COL23A1: variants seen among roughly 807,000 people sequenced by gnomAD.
COL23A1 encodes the protein collagen type XXIII alpha 1 chain.
A neutral mutation model predicts 99.3 loss-of-function variants in COL23A1; 97 were observed. The ratio of observed to expected loss-of-function variants is 0.98; its 90% CI spans 0.83 to 1.16. The LOEUF (loss-of-function observed/expected upper bound fraction) is 1.16, where lower values mean the gene tolerates loss of function less well. COL23A1 is among the 50% of genes most tolerant of loss of function. The probability of loss-of-function intolerance (pLI) is 0.00; values close to 1 mark genes in which losing one functional copy is unlikely to be tolerated. For synonymous variants in COL23A1, 320 were observed against 308.2 expected, an observed-to-expected ratio of 1.04 and a Z score of -0.40; for missense variants, 762 against 757.4, an observed-to-expected ratio of 1.01 and a Z score of -0.07.
intron 2 of COL23A1, among the ~76,000 whole-genome samples, chr5:178,501,339 T>C (rs1450389073): frequency 1.3e-5 from 2 of 152,042 alleles, no homozygotes; most frequent in Non-Finnish European, 2.9e-5. Context: ...TCCCAGCACT[T>C]TGGGAGGCCT....
intron 5 of COL23A1, among the ~76,000 whole-genome samples, chr5:178,277,729 C>T (rs1163178025): frequency 6.6e-6 from 1 of 152,240 alleles, no homozygotes; most frequent in Non-Finnish European, 1.5e-5. Context: ...CCATGTCACA[C>T]ATCATGGCTA....
At chr5:178,421,591 A>T (rs939226177) in intron 2 of COL23A1, among the ~76,000 whole-genome samples, 4 of 152,202 alleles carry the variant, frequency 2.6e-5, no homozygotes, top group African/African-American at 9.7e-5. Flanking sequence ...AGACAGGGCC[A>T]GGCACAGTGG....
At chr5:178,394,861 G>C (rs1764146494) in intron 2 of COL23A1, among the ~76,000 whole-genome samples, 1 of 152,192 alleles carries the variant, frequency 6.6e-6, no homozygotes, top group Non-Finnish European at 1.5e-5. Flanking sequence ...TCGGCTCTCA[G>C]CTCCAAACGT....
At position 178,280,021 on chromosome 5, in the gene COL23A1, C is replaced by T. The variant is rs577869018; in HGVS notation, c.441+8303G>A. Among the ~76,000 whole-genome samples the T allele has an allele frequency of 1.4e-4, 21 of 152,376 alleles. No individual in the cohort carries two copies. In the South Asian group the frequency reaches 3.1e-3, roughly 23 times the overall value. ...TGCTACCGTATCCCAAATGCCGAAG[C>T]GCCTCGTACATAACGAGAACACAGT... On this transcript the variant is annotated intron_variant, in intron 5 of 28. Transcript: ENST00000390654. The surrounding 1 kb of genome is among the most constrained non-coding windows in gnomAD (Gnocchi z 4.9).
chr5:178,572,900 T>G (rs1763177871), intron 1 of COL23A1, among the ~76,000 whole-genome samples: 1 of 152,218 alleles, frequency 6.6e-6, no homozygotes, highest in Non-Finnish European at 1.5e-5. Flanking sequence ...AAGCACTACA[T>G]AAACATACTA....
At chr5:178,295,133 C>T (rs1028644635) in intron 3 of COL23A1, among the ~76,000 whole-genome samples, 5 of 151,960 alleles carry the variant, frequency 3.3e-5, no homozygotes, top group African/African-American at 4.8e-5. Context: ...TGCAGTGGGC[C>T]GAGATCACAC....
intron 2 of COL23A1, among the ~76,000 whole-genome samples, chr5:178,455,353 A>G (rs1034193797): frequency 6.6e-6 from 1 of 152,158 alleles, no homozygotes; most frequent in Admixed American, 6.5e-5. Flanking sequence ...CACAGGCACC[A>G]GCATGGGAGG....
chr5:178,288,907 C>T (rs1226191385), intron 4 of COL23A1, among the ~76,000 whole-genome samples: 12 of 152,142 alleles, frequency 7.9e-5, no homozygotes, highest in Admixed American at 7.2e-4. Flanking sequence ...CAGGTCAGAC[C>T]CTTCCAGGTT....
chr5:178,584,247 TG>T (rs1763805617), intron 1 of COL23A1, among the ~76,000 whole-genome samples: 1 of 151,392 alleles, frequency 6.6e-6, no homozygotes, highest in Non-Finnish European at 1.5e-5. Flanking sequence ...TGACCTCAGG[TG>T]ATCCACCCAC....
intron 2 of COL23A1, among the ~76,000 whole-genome samples, chr5:178,489,237 G>A (rs1757798075): frequency 6.6e-6 from 1 of 152,224 alleles, no homozygotes; most frequent in African/African-American, 2.4e-5. Context: ...GCTCCCTCTT[G>A]CTTCCCCTCC....
rs118113560 is a variant in COL23A1 at position 178,368,540 on chromosome 5, T to C, written c.362-61621A>G. ...GTGTAATGACACGTAGCCACCGCTA[T>C]AGTATCACACGGAGTAGTTCCACTG... On this transcript the variant is annotated intron_variant, in intron 2 of 28. Transcript: ENST00000390654. Among the ~76,000 whole-genome samples, 86 of 152,322 alleles carry C rather than the reference T, an allele frequency of 5.6e-4. 1 individual carries two copies. In the East Asian group the frequency reaches 0.013, roughly 24 times the overall value.
At position 178,590,140 on chromosome 5, in the gene COL23A1, C is replaced by T; in HGVS notation, c.58G>A (p.Gly20Ser). Residue 20 changes from glycine (G) to serine (S), a missense_variant, in exon 1 of 29, where the codon GGC (glycine) becomes AGC (serine). Transcript: ENST00000390654. This position sits in a 1 kb window ranked among gnomAD's most constrained non-coding sequence, Gnocchi z 5.7. ...GCCGAGCGCCCTCCGCCGCCGCCGC[C>T]CGCCGCATTGCCCTTCCCCGCGTCG... ...GGDAGKGNAA[G>S]GGGGGRSATT... 8.1e-7 allele frequency: 1 copy of T among 1,241,058 alleles called. No individual in the cohort carries two copies. Among genetic ancestry groups the T allele is most frequent in the Non-Finnish European group, 1.0e-6 (1 of 996,582 alleles). 76.9% of individuals were successfully genotyped at this position (1,241,058 alleles called of 1,614,324 possible).
intron 2 of COL23A1, among the ~76,000 whole-genome samples, chr5:178,371,583 G>T (rs1762804597): frequency 6.6e-6 from 1 of 152,206 alleles, no homozygotes; most frequent in Non-Finnish European, 1.5e-5. Flanking sequence ...CAGGGGCACT[G>T]TCACCAACCC....
At chr5:178,261,090 T>C (rs572511694) in intron 11 of COL23A1, among the ~76,000 whole-genome samples, 2 of 152,298 alleles carry the variant, frequency 1.3e-5, no homozygotes, top group South Asian at 2.1e-4. Context: ...TGTTTAGTTT[T>C]GTTGTGAAAC....
intron 2 of COL23A1, among the ~76,000 whole-genome samples, chr5:178,414,601 G>A (rs1361062023): frequency 3.3e-5 from 5 of 152,032 alleles, no homozygotes; most frequent in African/African-American, 1.2e-4. Context: ...GTGAAACCCC[G>A]TCTCTACTAA....
chr5:178,422,101 T>C (rs559830802), intron 2 of COL23A1, among the ~76,000 whole-genome samples: 9 of 152,278 alleles, frequency 5.9e-5, no homozygotes, highest in East Asian at 3.9e-4. Context: ...AGTCCTGAGA[T>C]TGTATAAAAA....
In COL23A1 at chr5:178,242,139, G is replaced by A. The variant is rs773604471; in HGVS notation, c.1495-11C>T. 1.7e-5 allele frequency: 26 copies of A among 1,550,352 alleles called. No individual in the cohort carries two copies. The highest frequency in any genetic ancestry group is 7.3e-5 in the East Asian group (3 of 41,158). The stretch of plus-strand genomic sequence containing the variant: ...GACCCCTCGTTCTCCCTGTGCAGGA[G>A]GGGAGATGGTGGTATTGGTCATGGC... On this transcript the variant is annotated splice_polypyrimidine_tract_variant and intron_variant, in intron 26 of 28. Coordinates refer to ENST00000390654, the MANE Select transcript of COL23A1 (RefSeq NM_173465.4).
Position 178,306,390 on chromosome 5 carries a change from G to A in COL23A1, c.406+485C>T, listed in dbSNP as rs1036152356. ...GTTCTGGGTGAAGCAGAGACAGCAG[G>A]AAGGAAGGGTGGTGAATACAGGTGC... On this transcript the variant is annotated intron_variant, in intron 3 of 28. Transcript: ENST00000390654. This position sits in a 1 kb window ranked among gnomAD's most constrained non-coding sequence, Gnocchi z 4.1. Among the ~76,000 whole-genome samples the A allele has an allele frequency of 1.3e-5, 2 of 152,008 alleles. No homozygotes were observed. Among genetic ancestry groups the A allele is most frequent in the African/African-American group, 4.8e-5 (2 of 41,374 alleles).
At position 178,307,038 on chromosome 5, in the gene COL23A1, C is replaced by A. The variant is rs767308301; in HGVS notation, c.362-119G>T. 9 of 631,968 alleles carry A rather than the reference C, an allele frequency of 1.4e-5. No individual in the cohort carries two copies. The highest frequency in any genetic ancestry group is 2.9e-5 in the South Asian group (1 of 34,832). The allele number at this position is 631,968 out of a possible 1,614,324, so 39.1% of individuals were successfully genotyped here. A position where few individuals can be genotyped will look rare whatever the true frequency, so the allele number is the denominator to read the frequency against. On this transcript the variant is annotated intron_variant, in intron 2 of 28. Transcript: ENST00000390654. The surrounding 1 kb of genome is among the most constrained non-coding windows in gnomAD (Gnocchi z 4.2). Reference sequence around the variant, plus strand: ...AACAGCTTTCTGGGAGTGGCCTGCCCGAGGGGGTCTGCTGGCTGTGGAGGG... The same window carrying A: ...AACAGCTTTCTGGGAGTGGCCTGCCAGAGGGGGTCTGCTGGCTGTGGAGGG...
Sources: gnomAD v4.1 joint callset for allele counts (sites outside exome capture counted in the v4.1 genomes callset) on GRCh38, gnomAD v4.1.1 for gene constraint, Gnocchi (gnomAD v3.1) non-coding constraint, MANE v1.5 for transcripts, NCBI Gene and HGNC (gene_info 2026-07-23, HGNC 2026-07-21) for gene names.